Variants in ZNF618 observed in about 807,000 individuals in gnomAD.
ZNF618 encodes the protein zinc finger protein 618.
In ZNF618, 34 loss-of-function variants were observed where a neutral mutation model predicts 103.0. That is an observed-to-expected ratio of 0.33 (90% CI 0.25 to 0.44). ZNF618 has a LOEUF of 0.44. Ranked by LOEUF, ZNF618 falls within the 20% of genes least tolerant of loss-of-function variation. The pLI is 1.00. For synonymous variants in ZNF618, 551 were observed against 542.2 expected (o/e 1.02, Z -0.23); for missense variants, 1,059 against 1,295.4 (o/e 0.82, Z 2.80).
chr9:113,909,834 G>T (rs1056281395), intron 1 of ZNF618, among the ~76,000 whole-genome samples: 1 of 151,898 alleles, frequency 6.6e-6, no homozygotes, highest in Non-Finnish European at 1.5e-5. Flanking sequence ...ACCCAGGCTG[G>T]AGTGCGGTGG....
At chr9:113,945,650 C>T (rs909578602) in intron 1 of ZNF618, among the ~76,000 whole-genome samples, 2 of 152,196 alleles carry the variant, frequency 1.3e-5, no homozygotes, top group African/African-American at 4.8e-5. Flanking sequence ...GGGCGTCAGC[C>T]CCTGTGGCCA....
chr9:113,958,140 T>G (rs1487274942), intron 1 of ZNF618, among the ~76,000 whole-genome samples: 2 of 152,096 alleles, frequency 1.3e-5, no homozygotes, highest in African/African-American at 4.8e-5. Flanking sequence ...GTGTCCATGC[T>G]GAAAGACAAG....
intron 1 of ZNF618, among the ~76,000 whole-genome samples, chr9:113,950,253 T>A (rs1835433897): frequency 2.0e-5 from 3 of 152,176 alleles, no homozygotes. Context: ...GACCACCGTA[T>A]CTGTTCCCCT....
intron 10 of ZNF618, 180 bp from the exon 11 acceptor site, chr9:114,028,553 G>T: frequency 1.1e-6 from 1 of 942,614 alleles, no homozygotes; most frequent in Non-Finnish European, 1.5e-6. Context: ...GCTGACAGAA[G>T]GTTCCAGACT....
chr9:114,036,371 C>G lies in ZNF618; in HGVS notation c.1240C>G (p.His414Asp), dbSNP rs1329153566. Reference protein sequence around the residue: ...YNNLLEHMQSHAADNENNIAS... With the variant: ...YNNLLEHMQSDAADNENNIAS... ...CAACCTGTTGGAGCACATGCAGTCCCATGCAGGTAAGTAGGATACGGCTTC... is the reference window on the plus strand; with the variant it reads ...CAACCTGTTGGAGCACATGCAGTCCGATGCAGGTAAGTAGGATACGGCTTC... The change falls in exon 13 of 15, where the codon CAT becomes GAT. Residue 414 changes from histidine to aspartate, a missense_variant. Coordinates refer to ENST00000374126, the MANE Select transcript of ZNF618 (RefSeq NM_001318042.2). The G allele has an allele frequency of 3.2e-6, 5 of 1,577,588 alleles. No individual in the cohort carries two copies. In the Admixed American group the frequency reaches 9.1e-5, roughly 29 times the overall value.
At chr9:113,888,385 G>A (rs1165157453) in intron 1 of ZNF618, among the ~76,000 whole-genome samples, 1 of 152,254 alleles carries the variant, frequency 6.6e-6, no homozygotes, top group Non-Finnish European at 1.5e-5. Flanking sequence ...AGCTCCCCAT[G>A]AGCCTCAGCA....
chr9:113,884,686 C>T (rs551806790), intron 1 of ZNF618, among the ~76,000 whole-genome samples: 4 of 151,852 alleles, frequency 2.6e-5, no homozygotes, highest in Admixed American at 2.6e-4. Context: ...GACATGAAGC[C>T]AGTTTGTCCT....
chr9:113,882,953 C>T (rs1419270877), intron 1 of ZNF618, among the ~76,000 whole-genome samples: 1 of 152,214 alleles, frequency 6.6e-6, no homozygotes, highest in Non-Finnish European at 1.5e-5. Context: ...CAATGTGGAC[C>T]CACAGGTCAG....
intron 1 of ZNF618, among the ~76,000 whole-genome samples, chr9:113,892,991 G>A (rs892704106): frequency 2.0e-5 from 3 of 152,176 alleles, no homozygotes; most frequent in Non-Finnish European, 4.4e-5. Context: ...TAAAGTAAAC[G>A]TTAACATTAG....
chr9:114,016,276 C>G, intron 9 of ZNF618: 1 of 977,738 alleles, frequency 1.0e-6, no homozygotes, highest in Non-Finnish European at 1.6e-6. Context: ...GAGGGGACCC[C>G]GGGTGTGGCC....
chr9:114,007,561 G>A lies in ZNF618; in HGVS notation c.640+122G>A, dbSNP rs553323251. 22 of 850,988 alleles carry A rather than the reference G, an allele frequency of 2.6e-5. No individual in the cohort carries two copies. In the African/African-American group the frequency reaches 3.1e-4, roughly 12 times the overall value. 52.7% of individuals were successfully genotyped at this position (850,988 alleles called of 1,614,324 possible). On this transcript the variant is annotated intron_variant, in intron 7 of 14. Coordinates refer to ENST00000374126, the MANE Select transcript of ZNF618 (RefSeq NM_001318042.2). Reference sequence around the variant, plus strand: ...CCCAGAAAAAGGCCAGGCAGTAGCTGGAACCATGAGGGGAATGACCAGCCC... The same window carrying A: ...CCCAGAAAAAGGCCAGGCAGTAGCTAGAACCATGAGGGGAATGACCAGCCC...
At chr9:114,031,470 G>T (rs986938994) in intron 11 of ZNF618, among the ~76,000 whole-genome samples, 1 of 152,186 alleles carries the variant, frequency 6.6e-6, no homozygotes, top group African/African-American at 2.4e-5. Flanking sequence ...ACTGCCTCTG[G>T]CTTCCTTTCC....
intron 1 of ZNF618, among the ~76,000 whole-genome samples, chr9:113,932,149 G>A (rs936192473): frequency 1.3e-5 from 2 of 152,244 alleles, no homozygotes; most frequent in Non-Finnish European, 2.9e-5. Flanking sequence ...ACAGGGGCAG[G>A]TAATGGAGTG....
intron 3 of ZNF618, among the ~76,000 whole-genome samples, chr9:113,994,268 C>G (rs954152100): frequency 1.3e-5 from 2 of 152,228 alleles, no homozygotes; most frequent in Admixed American, 6.5e-5. Flanking sequence ...CTGTGACAGA[C>G]CCAGGCAGCG....
At chr9:113,991,827 C>T (rs1357112958) in intron 3 of ZNF618, among the ~76,000 whole-genome samples, 2 of 152,152 alleles carry the variant, frequency 1.3e-5, no homozygotes, top group East Asian at 3.9e-4. Flanking sequence ...CTGCTTTGGG[C>T]AGACCCCTGT....
At chr9:113,918,670 CA>C (rs1832350826) in intron 1 of ZNF618, among the ~76,000 whole-genome samples, 1 of 151,904 alleles carries the variant, frequency 6.6e-6, no homozygotes, top group South Asian at 2.1e-4. Flanking sequence ...TTCTGATGCT[CA>C]AATCATTCCA....
intron 13 of ZNF618, among the ~76,000 whole-genome samples, chr9:114,047,061 T>G (rs1845716025): frequency 6.6e-6 from 1 of 152,214 alleles, no homozygotes; most frequent in Non-Finnish European, 1.5e-5. Context: ...TAGAAGTGCA[T>G]GTGGCCATGG....
In ZNF618 at chr9:113,916,480, T is replaced by G. The variant is rs567793665; in HGVS notation, c.33+40067T>G. The stretch of plus-strand genomic sequence containing the variant: ...TCTCTTGCAGTTAGGAAATGCCCAC[T>G]GTTGTTCTGTTGTAGAGGTAAGTGT... On this transcript the variant is annotated intron_variant, in intron 1 of 14. Coordinates refer to ENST00000374126, the MANE Select transcript of ZNF618 (RefSeq NM_001318042.2). Among the ~76,000 whole-genome samples the G allele has an allele frequency of 2.0e-5, 3 of 152,280 alleles. No homozygotes were observed. In the South Asian group the frequency reaches 6.2e-4, roughly 32 times the overall value.
At chr9:114,026,387 G>A (rs1409244511) in intron 10 of ZNF618, among the ~76,000 whole-genome samples, 1 of 152,210 alleles carries the variant, frequency 6.6e-6, no homozygotes, top group East Asian at 1.9e-4. Context: ...CACAGGGAAA[G>A]AGGGGGCTGT....
Sources: gnomAD v4.1 joint callset for allele counts (sites outside exome capture counted in the v4.1 genomes callset) on GRCh38, gnomAD v4.1.1 for gene constraint, MANE v1.5 for transcripts, NCBI Gene and HGNC (gene_info 2026-07-23, HGNC 2026-07-21) for gene names.